Variants in CLDN14 observed in about 807,000 individuals in gnomAD.
CLDN14 encodes the protein claudin-14.
A neutral mutation model predicts 2.1 loss-of-function variants in CLDN14; 2 were observed. The observed-to-expected ratio is 0.96, with a 90% CI of 0.39 to 3.01. CLDN14 has a LOEUF of 3.01. CLDN14 is among the 30% of genes most tolerant of loss of function. The pLI, the probability that CLDN14 is intolerant of heterozygous loss-of-function variation, is 0.09. For synonymous variants in CLDN14, 136 were observed against 154.4 expected (o/e 0.88, Z 0.88); for missense variants, 298 against 328.0 (o/e 0.91, Z 0.71).
At chr21:36,536,756 T>C (rs1326041910) in intron 1 of CLDN14, among the ~76,000 whole-genome samples, 1 of 152,212 alleles carries the variant, frequency 6.6e-6, no homozygotes, top group Non-Finnish European at 1.5e-5. Context: ...ACAGACTTTC[T>C]CTTTTATTAT....
Position 36,496,601 on chromosome 21 carries a change from A to T in CLDN14, c.-82+13762T>A, listed in dbSNP as rs1296478996. Reference sequence around the variant, plus strand: ...CCCCCTTCCTAGTCTAAATCAGATGACATGGACCCCTGAGAGCGAATGCTT... The same window carrying T: ...CCCCCTTCCTAGTCTAAATCAGATGTCATGGACCCCTGAGAGCGAATGCTT... On this transcript the variant is annotated intron_variant, in intron 2 of 2. Coordinates refer to the CLDN14 transcript ENST00000342108. 2.2e-4 allele frequency among the ~76,000 whole-genome samples: 32 copies of T among 148,604 alleles called. No individual in the cohort carries two copies. In the Admixed American group the frequency reaches 2.2e-3, roughly 10 times the overall value.
chr21:36,489,046 G>A (rs2086929977), intron 2 of CLDN14, among the ~76,000 whole-genome samples: 1 of 147,226 alleles, frequency 6.8e-6, no homozygotes, highest in South Asian at 2.2e-4. Flanking sequence ...AGAGGTGGAA[G>A]TTGCAATAAG....
intron 2 of CLDN14, among the ~76,000 whole-genome samples, chr21:36,508,970 A>G (rs2087158537): frequency 6.6e-6 from 1 of 152,198 alleles, no homozygotes; most frequent in Non-Finnish European, 1.5e-5. Flanking sequence ...CTGGAGGTAA[A>G]GAAGCCGCTG....
At chr21:36,495,359 C>G (rs2087006655) in intron 2 of CLDN14, among the ~76,000 whole-genome samples, 1 of 152,114 alleles carries the variant, frequency 6.6e-6, no homozygotes, top group South Asian at 2.1e-4. Context: ...AAAGGGGAAC[C>G]AGAAAGTCTG....
rs1357132633 is a variant in CLDN14 at position 36,544,067 on chromosome 21, C to A, written c.-220+32344G>T. On this transcript the variant is annotated intron_variant, in intron 1 of 2. Transcript: ENST00000342108. This position sits in a 1 kb window ranked among gnomAD's most constrained non-coding sequence, Gnocchi z 4.1. ...GCACCTGCACTGGCTGAATTGCTAG[C>A]AGCCGGGTTTCAATTTGGGGACCCA... 6.6e-6 allele frequency among the ~76,000 whole-genome samples: 1 copy of A among 152,252 alleles called. No homozygotes were observed. Among genetic ancestry groups the A allele is most frequent in the Non-Finnish European group, 1.5e-5 (1 of 68,046 alleles).
Position 36,496,064 on chromosome 21 carries a change from G to A in CLDN14, c.-82+14299C>T, listed in dbSNP as rs573359090. 4.6e-5 allele frequency among the ~76,000 whole-genome samples: 7 copies of A among 152,186 alleles called. No individual in the cohort carries two copies. The East Asian group carries it at 5.8e-4, about 13-fold the overall frequency. ...GCTTCCAGAACTGGGAGTAAATTTC[G>A]GTTGTTTTAAGCCATCGAATTTGAA... On this transcript the variant is annotated intron_variant, in intron 2 of 2. Transcript: ENST00000342108.
At chr21:36,527,313 A>G (rs1425330907) in intron 1 of CLDN14, among the ~76,000 whole-genome samples, 1 of 152,204 alleles carries the variant, frequency 6.6e-6, no homozygotes, top group African/African-American at 2.4e-5. Flanking sequence ...GCCGGGAGTG[A>G]CTGATGGCTA....
At chr21:36,563,924 G>A (rs1042653618) in intron 1 of CLDN14, among the ~76,000 whole-genome samples, 9 of 152,170 alleles carry the variant, frequency 5.9e-5, no homozygotes, top group African/African-American at 1.9e-4. Context: ...AAAGACAGAC[G>A]TGGATTCAGT....
intron 1 of CLDN14, among the ~76,000 whole-genome samples, chr21:36,522,969 C>T (rs1314048314): frequency 1.3e-5 from 2 of 151,992 alleles, no homozygotes; most frequent in African/African-American, 4.8e-5. Flanking sequence ...AAGAGGTGGC[C>T]CACACGGAGG....
At chr21:36,486,510 C>A in intron 2 of CLDN14, 2 of 1,566,164 alleles carry the variant, frequency 1.3e-6, no homozygotes, top group Non-Finnish European at 1.8e-6. Flanking sequence ...GCACCGAGAC[C>A]CAGCATGGCA....
At chr21:36,523,679 T>G (rs1601622847) in intron 1 of CLDN14, among the ~76,000 whole-genome samples, 1 of 135,692 alleles carries the variant, frequency 7.4e-6, no homozygotes, top group Non-Finnish European at 1.6e-5. Context: ...ACCCGGGAGG[T>G]GGAGGTTGCA....
intron 1 of CLDN14, among the ~76,000 whole-genome samples, chr21:36,548,249 C>T (rs2146515408): frequency 6.6e-6 from 1 of 152,236 alleles, no homozygotes; most frequent in East Asian, 1.9e-4. Context: ...CCTTTTCCTC[C>T]CAGCTCCTGG....
chr21:36,474,809 G>A (rs771079890), intron 1 of CLDN14, among the ~76,000 whole-genome samples: 1 of 152,188 alleles, frequency 6.6e-6, no homozygotes, highest in Non-Finnish European at 1.5e-5. Context: ...GATCCTGTGT[G>A]CACATGGAGA....
intron 1 of CLDN14, among the ~76,000 whole-genome samples, chr21:36,515,868 C>A (rs961193840): frequency 8.9e-5 from 13 of 145,328 alleles, no homozygotes; most frequent in African/African-American, 2.6e-4. Flanking sequence ...CTCACTGCAA[C>A]CTCCGCCTCC....
At chr21:36,470,457 G>A (rs903318662) in intron 1 of CLDN14, among the ~76,000 whole-genome samples, 8 of 152,078 alleles carry the variant, frequency 5.3e-5, no homozygotes, top group East Asian at 3.9e-4. Flanking sequence ...GCGGAGAATC[G>A]CCAGCAACCC....
At chr21:36,526,584 G>A (rs1418441985) in intron 1 of CLDN14, 1 of 152,208 alleles carries the variant, frequency 6.6e-6, no homozygotes, top group Admixed American at 6.5e-5. Context: ...AGTAGAACCT[G>A]CTGGGATGTT....
chr21:36,507,362 G>C (rs2087142502), intron 2 of CLDN14, among the ~76,000 whole-genome samples: 1 of 152,150 alleles, frequency 6.6e-6, no homozygotes, highest in Non-Finnish European at 1.5e-5. Context: ...AGGCTTCCAG[G>C]GATTGTGGCC....
At position 36,462,406 on chromosome 21, in the gene CLDN14, C is replaced by T. The variant is rs2068750; in HGVS notation, c.-81-630G>A. Among the ~76,000 whole-genome samples, 684 of 152,206 alleles carry T rather than the reference C, an allele frequency of 4.5e-3. 4 individuals carry two copies. The highest frequency in any genetic ancestry group is 0.016 in the African/African-American group (653 of 41,516). The stretch of plus-strand genomic sequence containing the variant: ...AGGAGCACGGGCCAGCATCCCTCCT[C>T]TCCAGCACGGACCTCCGCTCCCAAC... On this transcript the variant is annotated intron_variant, in intron 1 of 1. Transcript: ENST00000399135.
rs1245827394 is a variant in CLDN14, at chr21:36,461,785, G to A, written c.-81-9C>T. ...AGGTGCCAGCCGGAGCCCTAATGAA[G>A]CCAAGGGAGGCGGGAGCAGGGAGAG... On this transcript the variant is annotated splice_polypyrimidine_tract_variant and intron_variant, in intron 1 of 1. Coordinates refer to ENST00000399135, the MANE Select transcript of CLDN14 (RefSeq NM_001146079.2). The A allele has an allele frequency of 4.0e-6, 6 of 1,498,636 alleles. No individual in the cohort carries two copies. In the East Asian group the frequency reaches 9.9e-5, roughly 25 times the overall value. 92.8% of individuals were successfully genotyped at this position (1,498,636 alleles called of 1,614,324 possible).
Sources: gnomAD v4.1 joint callset for allele counts (sites outside exome capture counted in the v4.1 genomes callset) on GRCh38, gnomAD v4.1.1 for gene constraint, Gnocchi (gnomAD v3.1) non-coding constraint, MANE v1.5 for transcripts, NCBI Gene and HGNC (gene_info 2026-07-23, HGNC 2026-07-21) for gene names.